TPO: variants seen among roughly 807,000 people sequenced by gnomAD.
TPO encodes thyroid peroxidase, also known as thyroid microsomal antigen.
A neutral mutation model predicts 96.9 loss-of-function variants in TPO; 78 were observed. That is an observed-to-expected ratio of 0.81 (90% CI 0.67 to 0.97). TPO has a LOEUF of 0.97. Among genes scored for constraint, TPO ranks in the 50% least tolerant of loss-of-function variants. The probability of loss-of-function intolerance (pLI) is 0.00; values close to 1 mark genes in which losing one functional copy is unlikely to be tolerated. For synonymous variants in TPO, 547 were observed against 538.0 expected (o/e 1.02, Z -0.23); for missense variants, 1,252 against 1,274.8 (o/e 0.98, Z 0.27).
At position 1,499,997 on chromosome 2, in the gene TPO, C is replaced by T. The variant is rs556805329; in HGVS notation, c.2386+3232C>T. ...GTGCTCAGGAGCCGTGTTCTGAATG[C>T]TGGGACAGCCACACCCAGAACAATT... On this transcript the variant is annotated intron_variant, in intron 13 of 16. Coordinates refer to ENST00000329066, the MANE Select transcript of TPO (RefSeq NM_001206744.2). 2.4e-3 allele frequency among the ~76,000 whole-genome samples: 361 copies of T among 152,344 alleles called. 2 individuals are homozygous for T. The highest frequency in any genetic ancestry group is 4.1e-3 in the Admixed American group (63 of 15,302).
intron 1 of TPO, among the ~76,000 whole-genome samples, chr2:1,405,821 T>A (rs189343022): frequency 1.3e-5 from 2 of 152,336 alleles, no homozygotes; most frequent in East Asian, 3.9e-4. Flanking sequence ...CAGTAATTAT[T>A]TGGTTTATTC....
chr2:1,524,775 C>G (rs1296249557), intron 15 of TPO, among the ~76,000 whole-genome samples: 1 of 135,652 alleles, frequency 7.4e-6, no homozygotes, highest in Non-Finnish European at 1.6e-5. Context: ...CCCCAAATCG[C>G]CCCACTATGA....
intron 3 of TPO, among the ~76,000 whole-genome samples, chr2:1,427,933 TGACA>T (rs1243646514): frequency 6.6e-6 from 1 of 152,218 alleles, no homozygotes; most frequent in Non-Finnish European, 1.5e-5. Context: ...ATTACTGGGA[TGACA>T]GACAGAAGAG....
chr2:1,384,149 G>T lies in TPO; in HGVS notation n.180+9747G>T, dbSNP rs142536577. 5.0e-3 allele frequency among the ~76,000 whole-genome samples: 754 copies of T among 152,292 alleles called. 5 individuals carry two copies. The highest frequency in any genetic ancestry group is 0.017 in the African/African-American group (689 of 41,572). ...GTAGTATAGTTTGAAGTCAGGTAGC[G>T]TGATGCCTCCAGCTATGTTCTTTGG... On this transcript the variant is annotated intron_variant and non_coding_transcript_variant, in intron 1 of 5. Coordinates refer to the TPO transcript ENST00000497517.
At chr2:1,392,597 A>G (rs1662019642) in intron 1 of TPO, among the ~76,000 whole-genome samples, 1 of 151,998 alleles carries the variant, frequency 6.6e-6, no homozygotes. Context: ...TCCTCTTTGT[A>G]CCTCCGGTAG....
In TPO at chr2:1,447,270, G is replaced by C. The variant is rs1271772012; in HGVS notation, c.483-6424G>C. ...GACTTCACCTGCACGATGAAACCTT[G>C]GTCTCCACAACCTGTGTCTTAACCC... On this transcript the variant is annotated intron_variant, in intron 5 of 16. Coordinates refer to ENST00000329066, the MANE Select transcript of TPO (RefSeq NM_001206744.2). Among the ~76,000 whole-genome samples, 3 of 152,130 alleles carry C rather than the reference G, an allele frequency of 2.0e-5. No homozygotes were observed. The East Asian group carries it at 5.8e-4, about 29-fold the overall frequency.
chr2:1,495,718 G>T (rs1302958727), intron 11 of TPO, among the ~76,000 whole-genome samples: 1 of 152,166 alleles, frequency 6.6e-6, no homozygotes, highest in East Asian at 1.9e-4. Flanking sequence ...GTGGTCCCGG[G>T]TGCTCAGGGG....
intron 15 of TPO, among the ~76,000 whole-genome samples, chr2:1,537,898 A>G (rs182186831): frequency 0.022 from 1,157 of 53,496 alleles, 42 homozygotes; most frequent in African/African-American, 0.078. Context: ...TCAAATCCCC[A>G]CCACTCTGTG....
chr2:1,477,518 G>A lies in TPO; in HGVS notation c.1252G>A (p.Ala418Thr). ...GTGGCTGCGCGAGCACAACCGCCTG[G>A]CCGCGGCGCTCAAGGCCCTCAATGC... The part of the protein sequence containing the change: ...TLWLREHNRL[A>T]AALKALNAHW... The change falls in exon 8 of 17, where the codon GCC (alanine) becomes ACC (threonine). Residue 418 changes from alanine (A) to threonine (T), a missense_variant. Coordinates refer to ENST00000329066, the MANE Select transcript of TPO (RefSeq NM_001206744.2). 6.5e-7 allele frequency: 1 copy of A among 1,532,888 alleles called. No homozygotes were observed. The highest frequency in any genetic ancestry group is 1.4e-5 in the African/African-American group (1 of 72,230). The allele number at this position is 1,532,888 out of a possible 1,614,324, so 95.0% of individuals were successfully genotyped here.
chr2:1,433,510 C>G lies in TPO; in HGVS notation c.252C>G (p.Ser84Arg). ...LSFSKLPEPT[S>R]GVIARAAEIM... The stretch of plus-strand genomic sequence containing the variant: ...TTTCCAAACTTCCTGAGCCAACAAG[C>G]GGAGTGATTGCCCGAGCAGCAGAGA... The change falls in exon 4 of 17, where the codon AGC becomes AGG. Residue 84 changes from serine to arginine, a missense_variant. Physicochemically the swap from Ser to Arg is moderately radical, Grantham distance 110. Transcript: ENST00000329066. 1 of 1,614,148 alleles carries G rather than the reference C, an allele frequency of 6.2e-7. No individual in the cohort carries two copies. Among genetic ancestry groups the G allele is most frequent in the Non-Finnish European group, 8.5e-7 (1 of 1,180,026 alleles).
intron 14 of TPO, among the ~76,000 whole-genome samples, chr2:1,512,190 C>A (rs1015942813): frequency 6.6e-6 from 1 of 152,154 alleles, no homozygotes; most frequent in Admixed American, 6.5e-5. Flanking sequence ...CCCGCCACCA[C>A]GCCCGGCTAA....
chr2:1,427,912 A>T (rs765077463), intron 3 of TPO, among the ~76,000 whole-genome samples: 2 of 152,154 alleles, frequency 1.3e-5, no homozygotes, highest in Non-Finnish European at 2.9e-5. Flanking sequence ...TCACGGTGAA[A>T]CACTCTGGGC....
At chr2:1,485,464 G>C (rs139381182) in intron 9 of TPO, among the ~76,000 whole-genome samples, 1,588 of 150,828 alleles carry the variant, frequency 0.011, 27 homozygotes, top group African/African-American at 0.035. Flanking sequence ...AGTTCTAGAT[G>C]CTTGAGGAAT....
At chr2:1,517,625 ACC>A (rs1674843825) in intron 15 of TPO, among the ~76,000 whole-genome samples, 1 of 87,066 alleles carries the variant, frequency 1.1e-5, no homozygotes, top group African/African-American at 5.1e-5. Context: ...GCTGCCTCTC[ACC>A]TTGCTGCTGC....
At chr2:1,489,282 C>T (rs1419661255) in intron 10 of TPO, among the ~76,000 whole-genome samples, 2 of 150,956 alleles carry the variant, frequency 1.3e-5, no homozygotes, top group East Asian at 3.9e-4. Context: ...ATGCCCAGCA[C>T]ACACCCACAC....
At chr2:1,487,012 TAA>T (rs1671230120) in intron 9 of TPO, among the ~76,000 whole-genome samples, 1 of 152,172 alleles carries the variant, frequency 6.6e-6, no homozygotes, top group Non-Finnish European at 1.5e-5. Context: ...ACCGATCCTT[TAA>T]AGACTCTGGT....
At chr2:1,526,039 G>A in intron 15 of TPO, among the ~76,000 whole-genome samples, 1 of 120,158 alleles carries the variant, frequency 8.3e-6, no homozygotes, top group Non-Finnish European at 1.7e-5. Flanking sequence ...CCCACTGTGT[G>A]CAACCTCCCC....
chr2:1,396,882 C>T (rs547189163), intron 1 of TPO, among the ~76,000 whole-genome samples: 89 of 152,274 alleles, frequency 5.8e-4, no homozygotes, highest in South Asian at 3.1e-3. Context: ...TTAATAGATG[C>T]GTTAAATAGT....
At chr2:1,526,346 A>T (rs867471361) in intron 15 of TPO, among the ~76,000 whole-genome samples, 1 of 46,240 alleles carries the variant, frequency 2.2e-5, no homozygotes, top group Non-Finnish European at 3.8e-5. Context: ...AGTGTGTGCA[A>T]CCTCAATTCC....
Sources: allele counts gnomAD v4.1 joint callset (sites outside exome capture counted in the v4.1 genomes callset), GRCh38; gene constraint gnomAD v4.1.1; transcripts MANE v1.5; gene names NCBI Gene and HGNC (gene_info 2026-07-23, HGNC 2026-07-21).